Variants in EBF3 observed in about 807,000 individuals in gnomAD.
EBF3 encodes EBF transcription factor 3.
A neutral mutation model predicts 77.1 loss-of-function variants in EBF3; 18 were observed. The ratio of observed to expected loss-of-function variants is 0.23; its 90% confidence interval spans 0.16 to 0.35. The LOEUF (loss-of-function observed/expected upper bound fraction) is 0.35. Among genes scored for constraint, EBF3 ranks in the 10% least tolerant of loss-of-function variants. The pLI is 1.00. For synonymous variants in EBF3, 350 were observed against 343.5 expected, an observed-to-expected ratio of 1.02 and a Z score of -0.21; for missense variants, 558 against 860.0, an observed-to-expected ratio of 0.65 and a Z score of 4.39.
In EBF3 at chr10:129,848,339, C is replaced by A; in HGVS notation, c.1128+53G>T. The A allele has an allele frequency of 6.4e-7, 1 of 1,574,016 alleles. No individual in the cohort carries two copies. ...GCACCTGCTGCCCCCAAACCAGAAC[C>A]AGCCCAGTGGCGGCCCCACCATGAG... is the stretch of plus-strand genomic sequence containing the variant. On this transcript the variant is annotated intron_variant, in intron 11 of 16. Coordinates refer to ENST00000440978, the MANE Select transcript of EBF3 (RefSeq NM_001375380.1). The surrounding 1 kb of genome is among the most constrained non-coding windows in gnomAD (Gnocchi z 4.4).
chr10:129,958,846 G>A, intron 5 of EBF3, 88 bp downstream of exon 5: 4 of 1,452,154 alleles, frequency 2.8e-6, no homozygotes, highest in Non-Finnish European at 3.6e-6. Context: ...AGCTGGGCGG[G>A]GTGGCGGCGC....
chr10:129,963,580 G>A lies in EBF3; in HGVS notation c.134+55C>T. ...GGAGCGCGGCGCCGGCCGGCGGAGG[G>A]GGCCGGGCCGGGCCGGGGCCGGGGC... On this transcript the variant is annotated intron_variant, in intron 1 of 16. Coordinates refer to ENST00000440978, the MANE Select transcript of EBF3 (RefSeq NM_001375380.1). The surrounding 1 kb of genome is among the most constrained non-coding windows in gnomAD (Gnocchi z 7.1). 1 of 1,223,818 alleles carries A rather than the reference G, an allele frequency of 8.2e-7. No individual in the cohort carries two copies. The highest frequency in any genetic ancestry group is 1.0e-6 in the Non-Finnish European group (1 of 976,078). The allele number at this position is 1,223,818 out of a possible 1,614,324, so 75.8% of individuals were successfully genotyped here.
rs1220873343 is a variant in EBF3, at chr10:129,841,358, C to T, written c.1373-326G>A. On this transcript the variant is annotated intron_variant, in intron 13 of 16. Coordinates refer to ENST00000440978, the MANE Select transcript of EBF3 (RefSeq NM_001375380.1). This position sits in a 1 kb window ranked among gnomAD's most constrained non-coding sequence, Gnocchi z 4.6. Reference sequence around the variant, plus strand: ...GGTCTGTCCCCCCACGCTCTGTGAACTTTCGGCCTCTGTAGACCTTCAAAT... The same window carrying T: ...GGTCTGTCCCCCCACGCTCTGTGAATTTTCGGCCTCTGTAGACCTTCAAAT... 6.6e-6 allele frequency among the ~76,000 whole-genome samples: 1 copy of T among 152,208 alleles called. No homozygotes were observed. The highest frequency in any genetic ancestry group is 1.5e-5 in the Non-Finnish European group (1 of 68,040).
chr10:129,923,010 C>T (rs1016891878), intron 6 of EBF3, among the ~76,000 whole-genome samples: 3 of 152,216 alleles, frequency 2.0e-5, no homozygotes, highest in Non-Finnish European at 4.4e-5. Context: ...CTCCGGGTCT[C>T]GGCTTCTCTC....
chr10:129,880,477 G>A (rs764759350), intron 6 of EBF3, among the ~76,000 whole-genome samples: 2 of 151,628 alleles, frequency 1.3e-5, no homozygotes, highest in South Asian at 2.1e-4. Flanking sequence ...GCACACATAC[G>A]CACATACATA....
intron 10 of EBF3, among the ~76,000 whole-genome samples, chr10:129,856,129 C>T (rs1006378372): frequency 3.9e-5 from 6 of 152,222 alleles, no homozygotes; most frequent in African/African-American, 1.4e-4. Context: ...CCCTCTGCCA[C>T]GTGCCTGCCC....
rs1045565426 is a variant in EBF3, at chr10:129,848,907, T to C, written c.1040-427A>G. On this transcript the variant is annotated intron_variant, in intron 10 of 16. Coordinates refer to ENST00000440978, the MANE Select transcript of EBF3 (RefSeq NM_001375380.1). This position sits in a 1 kb window ranked among gnomAD's most constrained non-coding sequence, Gnocchi z 4.4. ...CTCAGATTTATCCCTGTGGTCCTTT[T>C]TTGTCTAGCATATTGCCTGAGCACA... Among the ~76,000 whole-genome samples the C allele has an allele frequency of 1.3e-5, 2 of 152,212 alleles. No homozygotes were observed. Among genetic ancestry groups the C allele is most frequent in the African/African-American group, 2.4e-5 (1 of 41,458 alleles).
chr10:129,951,092 A>G (rs1858641944), intron 6 of EBF3, among the ~76,000 whole-genome samples: 1 of 152,238 alleles, frequency 6.6e-6, no homozygotes, highest in African/African-American at 2.4e-5. Context: ...TATGCCTAGC[A>G]AAGATCACCG....
In EBF3 at chr10:129,937,808, CCA is replaced by C. The variant is rs1232499042; in HGVS notation, c.554+19448_554+19449del. Among the ~76,000 whole-genome samples the C allele has an allele frequency of 3.3e-5, 5 of 152,316 alleles. No homozygotes were observed. The East Asian group carries it at 9.7e-4, about 29-fold the overall frequency. ...TAAAGGAGTTCAAGTCCTCTCCGAG[CCA>C]CACTTTCCCCAAGACGTCACTGTGC... On this transcript the variant is annotated intron_variant, in intron 6 of 16. Coordinates refer to ENST00000440978, the MANE Select transcript of EBF3 (RefSeq NM_001375380.1).
At chr10:129,877,438 A>C (rs1852864063) in intron 7 of EBF3, among the ~76,000 whole-genome samples, 1 of 136,554 alleles carries the variant, frequency 7.3e-6, no homozygotes, top group Non-Finnish European at 1.5e-5. Flanking sequence ...CCAAGATCGC[A>C]CCACTGCACT....
intron 10 of EBF3, among the ~76,000 whole-genome samples, chr10:129,859,128 C>G (rs552020731): frequency 6.6e-6 from 1 of 152,248 alleles, no homozygotes; most frequent in Non-Finnish European, 1.5e-5. Context: ...GTGTAGCAAA[C>G]AGTCCACATC....
chr10:129,890,286 C>A (rs1853930113), intron 6 of EBF3, among the ~76,000 whole-genome samples: 1 of 152,196 alleles, frequency 6.6e-6, no homozygotes, highest in Non-Finnish European at 1.5e-5. Context: ...TACAAGTGAC[C>A]CTGAACTGTG....
chr10:129,868,797 T>A (rs1852210082), intron 8 of EBF3, among the ~76,000 whole-genome samples: 2 of 152,344 alleles, frequency 1.3e-5, no homozygotes, highest in South Asian at 4.1e-4. Flanking sequence ...GCCCTTCCTT[T>A]ACATGGTGTT....
At chr10:129,843,331 G>A (rs886247897) in intron 11 of EBF3, 129 bp from the exon 12 acceptor site, 11 of 926,754 alleles carry the variant, frequency 1.2e-5, no homozygotes, top group East Asian at 2.7e-5. Flanking sequence ...TGGCCCTGCC[G>A]TGCACTTCGA....
In EBF3 at chr10:129,841,061, T is replaced by C. The variant is rs774137183; in HGVS notation, c.1373-29A>G. ...TTGAAATCCCCCCCCCGGCCAAAAA[T>C]AACATTATTATCAGCGACAGACACT... On this transcript the variant is annotated intron_variant, in intron 13 of 16. Coordinates refer to ENST00000440978, the MANE Select transcript of EBF3 (RefSeq NM_001375380.1). The surrounding 1 kb of genome is among the most constrained non-coding windows in gnomAD (Gnocchi z 4.6). The C allele has an allele frequency of 6.5e-6, 10 of 1,542,960 alleles. No individual in the cohort carries two copies. Among genetic ancestry groups the C allele is most frequent in the Non-Finnish European group, 8.8e-6 (10 of 1,133,232 alleles).
chr10:129,958,843 C>A, intron 5 of EBF3, 91 bp downstream of exon 5: 2 of 1,437,928 alleles, frequency 1.4e-6, no homozygotes, highest in South Asian at 1.4e-5. Flanking sequence ...CGGAGCTGGG[C>A]GGGGTGGCGG....
At chr10:129,838,588 C>G (rs1034790499) in intron 16 of EBF3, among the ~76,000 whole-genome samples, 1 of 152,194 alleles carries the variant, frequency 6.6e-6, no homozygotes, top group African/African-American at 2.4e-5. Context: ...GGCACCGCCT[C>G]GGGACCTTTT....
In EBF3 at chr10:129,861,405, G is replaced by A. The variant is rs1851627540; in HGVS notation, c.1039+5736C>T. 6.6e-6 allele frequency among the ~76,000 whole-genome samples: 1 copy of A among 152,228 alleles called. No individual in the cohort carries two copies. The highest frequency in any genetic ancestry group is 6.5e-5 in the Admixed American group (1 of 15,282). On this transcript the variant is annotated intron_variant, in intron 10 of 16. Transcript: ENST00000440978. The surrounding 1 kb of genome is among the most constrained non-coding windows in gnomAD (Gnocchi z 4.3). ...AAGTGGCGTCAGGAGAAGTTGTGTT[G>A]TTGGAGTCACGCATTATCTTGTGAT...
intron 11 of EBF3, among the ~76,000 whole-genome samples, chr10:129,847,523 C>T (rs1034387382): frequency 1.3e-5 from 2 of 152,190 alleles, no homozygotes; most frequent in Non-Finnish European, 2.9e-5. Flanking sequence ...ATGACATCGC[C>T]TATGTTCATG....
Sources: gnomAD v4.1 joint callset for allele counts (sites outside exome capture counted in the v4.1 genomes callset) on GRCh38, gnomAD v4.1.1 for gene constraint, Gnocchi (gnomAD v3.1) non-coding constraint, MANE v1.5 for transcripts, NCBI Gene and HGNC (gene_info 2026-07-23, HGNC 2026-07-21) for gene names.